R3HDM1: variants seen among roughly 807,000 people sequenced by gnomAD.
R3HDM1 encodes the protein R3H domain containing 1.
R3HDM1 carries 46 observed loss-of-function variants against 141.1 expected under a neutral mutation model. That is an observed-to-expected ratio of 0.33 (90% CI 0.26 to 0.42). The LOEUF (loss-of-function observed/expected upper bound fraction) is 0.42, where lower values mean the gene tolerates loss of function less well. R3HDM1 is among the 10% of genes least tolerant of loss of function. R3HDM1 has a pLI of 1.00. For synonymous variants in R3HDM1, 435 were observed against 472.9 expected (o/e 0.92, Z 1.04); for missense variants, 1,184 against 1,368.3 (o/e 0.87, Z 2.12).
intron 17 of R3HDM1, chr2:135,651,072 G>GCA: frequency 3.0e-6 from 3 of 985,202 alleles, no homozygotes; most frequent in South Asian, 9.4e-5. Flanking sequence ...TCTTGGTAGG[G>GCA]CACCATTTAG....
At chr2:135,558,893 T>C in intron 1 of R3HDM1, 3 of 548,410 alleles carry the variant, frequency 5.5e-6, no homozygotes, top group Non-Finnish European at 7.0e-6. Context: ...ATAATCATCT[T>C]CCTTTTAGGA....
intron 1 of R3HDM1, 79 bp downstream of exon 1, chr2:135,531,712 TAGCGC>T (rs1185414105): frequency 1.0e-6 from 1 of 985,366 alleles, no homozygotes; most frequent in African/African-American, 1.8e-5. Context: ...CGCCAACCGG[TAGCGC>T]TAACGGAGAA....
At chr2:135,719,866 G>A (rs1254476822) in intron 24 of R3HDM1, among the ~76,000 whole-genome samples, 2 of 149,864 alleles carry the variant, frequency 1.3e-5, no homozygotes, top group Non-Finnish European at 3.0e-5. Flanking sequence ...TTTGTTTCGA[G>A]ACGGAGTCTC....
At chr2:135,582,184 G>T (rs1368623584) in intron 1 of R3HDM1, among the ~76,000 whole-genome samples, 1 of 152,004 alleles carries the variant, frequency 6.6e-6, no homozygotes, top group East Asian at 1.9e-4. Flanking sequence ...AAAAAAATTA[G>T]CCAGGCATGG....
At chr2:135,591,808 G>T (rs1709336984) in intron 1 of R3HDM1, among the ~76,000 whole-genome samples, 1 of 152,140 alleles carries the variant, frequency 6.6e-6, no homozygotes, top group African/African-American at 2.4e-5. Flanking sequence ...GAGCTTTATT[G>T]TACCAAAAGA....
intron 1 of R3HDM1, among the ~76,000 whole-genome samples, chr2:135,565,133 G>A (rs1702475875): frequency 6.6e-6 from 1 of 151,728 alleles, no homozygotes; most frequent in African/African-American, 2.4e-5. Context: ...TTTTCTTTAG[G>A]ATAAACTTTC....
intron 1 of R3HDM1, among the ~76,000 whole-genome samples, chr2:135,547,629 G>A (rs546170289): frequency 6.6e-6 from 1 of 151,844 alleles, no homozygotes; most frequent in African/African-American, 2.4e-5. Context: ...TGAATCAACT[G>A]TTTGCTGAAT....
chr2:135,624,074 G>T (rs569321043), intron 7 of R3HDM1, among the ~76,000 whole-genome samples: 1 of 152,316 alleles, frequency 6.6e-6, no homozygotes, highest in South Asian at 2.1e-4. Context: ...TTCAAGGAAA[G>T]ATAGGCATGT....
At chr2:135,644,459 C>G (rs113650676) in intron 15 of R3HDM1, among the ~76,000 whole-genome samples, 1 of 151,978 alleles carries the variant, frequency 6.6e-6, no homozygotes, top group African/African-American at 2.4e-5. Flanking sequence ...CAGCTGAGAT[C>G]GCACCACTGC....
intron 16 of R3HDM1, among the ~76,000 whole-genome samples, chr2:135,646,756 G>A (rs1222868599): frequency 1.3e-5 from 2 of 151,346 alleles, no homozygotes; most frequent in African/African-American, 4.9e-5. Flanking sequence ...GGCTGAGGCA[G>A]GAGAATCACT....
intron 19 of R3HDM1, chr2:135,669,060 A>C: frequency 1.2e-6 from 1 of 838,728 alleles, no homozygotes; most frequent in Non-Finnish European, 1.4e-6. Context: ...TAATATTTTT[A>C]GAGATGGAGT....
At chr2:135,604,715 T>G in intron 2 of R3HDM1, 91 bp from the exon 3 acceptor site, 1 of 1,003,268 alleles carries the variant, frequency 1.0e-6, no homozygotes, top group Non-Finnish European at 1.5e-6. Flanking sequence ...ATATTCAACA[T>G]TATTTCTGGA....
At chr2:135,707,624 C>G (rs2075110564) in intron 21 of R3HDM1, among the ~76,000 whole-genome samples, 1 of 152,122 alleles carries the variant, frequency 6.6e-6, no homozygotes, top group South Asian at 2.1e-4. Context: ...ATGTCTCAGA[C>G]CTTAGCAAAC....
At chr2:135,719,803 A>G (rs1225166610) in intron 24 of R3HDM1, among the ~76,000 whole-genome samples, 1 of 150,522 alleles carries the variant, frequency 6.6e-6, no homozygotes, top group Non-Finnish European at 1.5e-5. Context: ...AAATTTCATT[A>G]TTGTAGCACT....
chr2:135,724,092 A>G lies in R3HDM1; in HGVS notation c.3205A>G (p.Ser1069Gly). Residue 1069 changes from serine to glycine, a missense_variant, in exon 27 of 27, where the codon AGT becomes GGT. Transcript: ENST00000683871. ...ACGTCGTCACCCCCTCTGCTGTGGC[A>G]GTGGGGACAACACTGCCAACCCTGA... ...QPRRHPLCCGSGDNTANPERS... is the reference protein window; with the variant it reads ...QPRRHPLCCGGGDNTANPERS... 6.2e-7 allele frequency: 1 copy of G among 1,614,146 alleles called. No individual in the cohort carries two copies. Among genetic ancestry groups the G allele is most frequent in the African/African-American group, 1.3e-5 (1 of 75,036 alleles).
chr2:135,666,918 CT>C, intron 19 of R3HDM1: 8 of 160,908 alleles, frequency 5.0e-5, no homozygotes, highest in South Asian at 3.3e-4. Context: ...AATGGCTCAT[CT>C]TTAAAAAAAA....
intron 3 of R3HDM1, chr2:135,607,955 G>A (rs766333112): frequency 3.2e-5 from 31 of 983,404 alleles, no homozygotes; most frequent in Non-Finnish European, 3.6e-5. Context: ...AAAAGAGAAT[G>A]TGAGAATTTA....
intron 14 of R3HDM1, among the ~76,000 whole-genome samples, chr2:135,640,162 CAT>C (rs1559318261): frequency 6.7e-6 from 1 of 150,174 alleles, no homozygotes; most frequent in African/African-American, 2.5e-5. Flanking sequence ...TGAGCCTAAA[CAT>C]AAGGTATTGT....
chr2:135,566,325 C>G (rs1391600888), intron 1 of R3HDM1, among the ~76,000 whole-genome samples: 1 of 152,056 alleles, frequency 6.6e-6, no homozygotes, highest in Non-Finnish European at 1.5e-5. Flanking sequence ...TTTTGTAATA[C>G]TAATCTAGAA....
Sources: allele counts gnomAD v4.1 joint callset (sites outside exome capture counted in the v4.1 genomes callset), GRCh38; gene constraint gnomAD v4.1.1; transcripts MANE v1.5; gene names NCBI Gene and HGNC (gene_info 2026-07-23, HGNC 2026-07-21).